LRRTM4: variants seen among roughly 807,000 people sequenced by gnomAD.
The protein encoded by LRRTM4 is leucine-rich repeat transmembrane neuronal protein 4.
A neutral mutation model predicts 47.6 loss-of-function variants in LRRTM4; 25 were observed. The ratio of observed to expected loss-of-function variants is 0.53; its 90% CI spans 0.38 to 0.73. The LOEUF (loss-of-function observed/expected upper bound fraction) is 0.73, where lower values mean the gene tolerates loss of function less well. Among genes scored for constraint, LRRTM4 ranks in the 30% least tolerant of loss-of-function variants. LRRTM4 has a pLI of 0.00. For missense variants in LRRTM4, 638 were observed against 713.4 expected, an observed-to-expected ratio of 0.89 and a Z score of 1.20; for synonymous variants, 311 against 269.5, an observed-to-expected ratio of 1.15 and a Z score of -1.51.
At chr2:77,339,570 A>C (rs1451882852) in intron 3 of LRRTM4, among the ~76,000 whole-genome samples, 1 of 152,064 alleles carries the variant, frequency 6.6e-6, no homozygotes, top group Non-Finnish European at 1.5e-5. Context: ...TTAGAGATGA[A>C]GAAATGAGAC....
At chr2:77,488,087 G>A (rs1261102419) in intron 3 of LRRTM4, among the ~76,000 whole-genome samples, 1 of 152,188 alleles carries the variant, frequency 6.6e-6, no homozygotes, top group Non-Finnish European at 1.5e-5. Context: ...GCAACGAGAA[G>A]GAGGGAAGAG....
chr2:77,290,000 TAA>T (rs1413089292), intron 3 of LRRTM4, among the ~76,000 whole-genome samples: 5 of 149,218 alleles, frequency 3.4e-5, no homozygotes, highest in Admixed American at 3.3e-4. Flanking sequence ...ACTTCTTCTT[TAA>T]GTTTGTTTGC....
chr2:77,365,702 T>G (rs1672414722), intron 3 of LRRTM4, among the ~76,000 whole-genome samples: 1 of 151,510 alleles, frequency 6.6e-6, no homozygotes, highest in African/African-American at 2.4e-5. Context: ...AATACTATGA[T>G]GCCATTAAAT....
At chr2:77,021,285 TG>T (rs1277951980) in intron 3 of LRRTM4, among the ~76,000 whole-genome samples, 1 of 151,972 alleles carries the variant, frequency 6.6e-6, no homozygotes, top group Non-Finnish European at 1.5e-5. Flanking sequence ...TGTAAGATGT[TG>T]GGGGTGCAGA....
intron 3 of LRRTM4, among the ~76,000 whole-genome samples, chr2:76,929,925 T>TTGTGTGTGTGTGTG (rs3055992): frequency 2.9e-4 from 43 of 149,206 alleles, no homozygotes; most frequent in Admixed American, 9.4e-4. Flanking sequence ...CAATTAGAGT[T>TTGTGTGTGTGTGTG]TGTGTGTGTG....
chr2:77,270,091 T>C (rs903869445), intron 3 of LRRTM4, among the ~76,000 whole-genome samples: 2 of 152,224 alleles, frequency 1.3e-5, no homozygotes, highest in Non-Finnish European at 2.9e-5. Context: ...GATGTCTGGA[T>C]TTATTGATAA....
intron 3 of LRRTM4, among the ~76,000 whole-genome samples, chr2:77,490,575 A>G (rs1678108056): frequency 6.6e-6 from 1 of 152,118 alleles, no homozygotes; most frequent in Admixed American, 6.5e-5. Context: ...GTTATGAGAT[A>G]CAAATTGCTA....
chr2:77,354,755 G>A (rs943869118), intron 3 of LRRTM4, among the ~76,000 whole-genome samples: 3 of 152,068 alleles, frequency 2.0e-5, no homozygotes, highest in Admixed American at 2.0e-4. Flanking sequence ...TTCCACACTC[G>A]TCAGCCATTG....
At chr2:77,089,597 C>G (rs1274815539) in intron 3 of LRRTM4, among the ~76,000 whole-genome samples, 1 of 151,824 alleles carries the variant, frequency 6.6e-6, no homozygotes, top group Non-Finnish European at 1.5e-5. Context: ...CTCTGTTTCT[C>G]TACTCTCTCT....
At chr2:76,834,653 G>C (rs1279909250) in intron 3 of LRRTM4, among the ~76,000 whole-genome samples, 1 of 151,844 alleles carries the variant, frequency 6.6e-6, no homozygotes, top group Non-Finnish European at 1.5e-5. Flanking sequence ...CTTATTCAAA[G>C]ATTACTCTTT....
rs972660490 is a variant in LRRTM4, at chr2:76,963,996, T to G, written c.1552-215080A>C. 3.3e-5 allele frequency among the ~76,000 whole-genome samples: 5 copies of G among 151,034 alleles called. No homozygotes were observed. In the East Asian group the frequency reaches 9.7e-4, roughly 29 times the overall value. On this transcript the variant is annotated intron_variant, in intron 3 of 3. Coordinates refer to ENST00000409884, the MANE Select transcript of LRRTM4 (RefSeq NM_001134745.3). ...CTGTATTACAAATTATGCTTTTCAT[T>G]AAATTTATATACAATCAGAAATATA... is the stretch of plus-strand genomic sequence containing the variant.
chr2:77,372,642 T>G (rs1672692530), intron 3 of LRRTM4, among the ~76,000 whole-genome samples: 1 of 151,758 alleles, frequency 6.6e-6, no homozygotes, highest in African/African-American at 2.4e-5. Flanking sequence ...TTGCAAATAA[T>G]ACTTCAGCAT....
intron 3 of LRRTM4, among the ~76,000 whole-genome samples, chr2:77,251,986 T>C (rs74715019): frequency 6.6e-6 from 1 of 152,254 alleles, no homozygotes; most frequent in Non-Finnish European, 1.5e-5. Flanking sequence ...TTTAAAAATA[T>C]TGAAAATAAA....
At chr2:76,900,990 C>T (rs1447911867) in intron 3 of LRRTM4, among the ~76,000 whole-genome samples, 3 of 152,114 alleles carry the variant, frequency 2.0e-5, no homozygotes, top group African/African-American at 7.2e-5. Context: ...AGTAAATTCT[C>T]CTATTCAAGG....
intron 3 of LRRTM4, among the ~76,000 whole-genome samples, chr2:77,378,337 A>G (rs1369472911): frequency 1.3e-5 from 2 of 152,018 alleles, no homozygotes; most frequent in African/African-American, 2.4e-5. Flanking sequence ...GTGATAAAAA[A>G]TTTGTTTGAT....
chr2:77,288,467 C>T (rs1289159528), intron 3 of LRRTM4, among the ~76,000 whole-genome samples: 1 of 151,694 alleles, frequency 6.6e-6, no homozygotes, highest in East Asian at 1.9e-4. Flanking sequence ...ATAAAAGGAA[C>T]AAAACTGAAA....
At chr2:76,786,479 G>T (rs547215219) in intron 3 of LRRTM4, among the ~76,000 whole-genome samples, 64 of 152,044 alleles carry the variant, frequency 4.2e-4, no homozygotes, top group African/African-American at 1.5e-3. Context: ...AAAAACAGTA[G>T]TTATAATTGA....
intron 3 of LRRTM4, among the ~76,000 whole-genome samples, chr2:76,941,637 A>G (rs1487490672): frequency 6.6e-6 from 1 of 152,204 alleles, no homozygotes; most frequent in Admixed American, 6.5e-5. Flanking sequence ...TGCAAAAGAC[A>G]TGAACTCAAC....
At chr2:77,275,028 C>T (rs1676304751) in intron 3 of LRRTM4, among the ~76,000 whole-genome samples, 1 of 151,994 alleles carries the variant, frequency 6.6e-6, no homozygotes, top group African/African-American at 2.4e-5. Context: ...ATAGAAACTA[C>T]ACGCTGTCCA....
Sources: gnomAD v4.1 joint callset for allele counts (sites outside exome capture counted in the v4.1 genomes callset) on GRCh38, gnomAD v4.1.1 for gene constraint, MANE v1.5 for transcripts, NCBI Gene and HGNC (gene_info 2026-07-23, HGNC 2026-07-21) for gene names.